The following LIN28B variants were observed in gnomAD, a reference collection of about 807,000 sequenced individuals.
The protein encoded by LIN28B is lin-28 RNA binding posttranscriptional regulator B.
LIN28B carries 5 observed loss-of-function variants against 21.9 expected under a neutral mutation model. The ratio of observed to expected loss-of-function variants is 0.23; its 90% CI spans 0.12 to 0.48. The LOEUF is 0.48. Among genes scored for constraint, LIN28B ranks in the 20% least tolerant of loss-of-function variants. The probability of loss-of-function intolerance (pLI) is 0.98; values close to 1 mark genes in which losing one functional copy is unlikely to be tolerated. For missense variants in LIN28B, 245 were observed against 310.5 expected (o/e 0.79, Z 1.58); for synonymous variants, 109 against 111.3 (o/e 0.98, Z 0.13).
At chr6:104,961,556 A>ACGC (rs1419381663) in intron 2 of LIN28B, among the ~76,000 whole-genome samples, 1 of 151,942 alleles carries the variant, frequency 6.6e-6, no homozygotes, top group Non-Finnish European at 1.5e-5. Context: ...GCCCGCCACC[A>ACGC]CGCCTAGCTA....
At chr6:104,995,549 A>G (rs1770581261) in intron 2 of LIN28B, among the ~76,000 whole-genome samples, 1 of 152,138 alleles carries the variant, frequency 6.6e-6, no homozygotes, top group East Asian at 1.9e-4. Flanking sequence ...TAGATATGGG[A>G]ATCATCAGAT....
Position 105,030,592 on chromosome 6 carries a change from CTT to C in LIN28B, c.383+4130_383+4131del, listed in dbSNP as rs980799980. ...CTTGAATTAATTTCTTTCTTTCTTTCTTTTTTTTTTTTTTTTTTTTTGGAGAC... is the reference window on the plus strand; with the variant it reads ...CTTGAATTAATTTCTTTCTTTCTTTCTTTTTTTTTTTTTTTTTTTGGAGAC... On this transcript the variant is annotated intron_variant, in intron 3 of 3. Coordinates refer to ENST00000345080, the MANE Select transcript of LIN28B (RefSeq NM_001004317.4). Among the ~76,000 whole-genome samples the C allele has an allele frequency of 1.9e-3, 202 of 106,570 alleles. 4 individuals are homozygous for C. The highest frequency in any genetic ancestry group is 2.8e-3 in the Non-Finnish European group (148 of 52,814). The allele number at this position is 106,570 out of a possible 152,430, so 69.9% of individuals were successfully genotyped here.
intron 3 of LIN28B, chr6:105,058,026 ATTT>A (rs1562109691): frequency 2.7e-6 from 1 of 376,648 alleles, no homozygotes; most frequent in Admixed American, 3.7e-5. Flanking sequence ...GTCTTTTATG[ATTT>A]TTTTAACCAG....
rs111828540 is a variant in LIN28B at position 105,033,667 on chromosome 6, A to G, written c.383+7185A>G. On this transcript the variant is annotated intron_variant, in intron 3 of 3. Coordinates refer to ENST00000345080, the MANE Select transcript of LIN28B (RefSeq NM_001004317.4). The stretch of plus-strand genomic sequence containing the variant: ...AGTTCATTACAAAAAGAGTAAAGAA[A>G]TTTAACGAGTCTATACAGCTGTCTT... Among the ~76,000 whole-genome samples the G allele has an allele frequency of 7.3e-3, 1,104 of 152,024 alleles. 15 individuals carry two copies. The highest frequency in any genetic ancestry group is 0.025 in the African/African-American group (1,058 of 41,524).
intron 2 of LIN28B, among the ~76,000 whole-genome samples, chr6:104,975,012 G>A (rs1434580549): frequency 6.6e-6 from 1 of 152,026 alleles, no homozygotes; most frequent in African/African-American, 2.4e-5. Context: ...TAGACATGGG[G>A]TTTCACCATG....
At chr6:105,069,388 T>G (rs902398632) in intron 3 of LIN28B, among the ~76,000 whole-genome samples, 1 of 152,090 alleles carries the variant, frequency 6.6e-6, no homozygotes, top group Non-Finnish European at 1.5e-5. Flanking sequence ...AATTGTTAAT[T>G]GGTAATGATG....
At chr6:105,046,560 T>C (rs1771768169) in intron 3 of LIN28B, among the ~76,000 whole-genome samples, 1 of 152,220 alleles carries the variant, frequency 6.6e-6, no homozygotes, top group African/African-American at 2.4e-5. Flanking sequence ...TCAAATGGTA[T>C]TTCTAGTTCT....
intron 2 of LIN28B, among the ~76,000 whole-genome samples, chr6:104,962,805 G>A (rs953809588): frequency 3.9e-5 from 6 of 152,040 alleles, no homozygotes; most frequent in African/African-American, 1.4e-4. Context: ...AAGAATATGT[G>A]TGATTATTGT....
chr6:105,073,108 C>T (rs1270981624), intron 3 of LIN28B, among the ~76,000 whole-genome samples: 2 of 151,946 alleles, frequency 1.3e-5, no homozygotes, highest in Non-Finnish European at 2.9e-5. Context: ...ACCTTTCTGC[C>T]CACCCACCTC....
At chr6:105,027,155 G>T (rs1356016696) in intron 3 of LIN28B, among the ~76,000 whole-genome samples, 2 of 152,032 alleles carry the variant, frequency 1.3e-5, no homozygotes, top group African/African-American at 4.8e-5. Context: ...TTGAAAAGTT[G>T]TCTGATTATA....
chr6:105,063,006 C>T (rs144599051), intron 3 of LIN28B, among the ~76,000 whole-genome samples: 36 of 152,010 alleles, frequency 2.4e-4, no homozygotes, highest in African/African-American at 8.2e-4. Context: ...AATACTGTCA[C>T]GTGTTCTTTT....
At chr6:104,998,459 A>G (rs534614170) in intron 2 of LIN28B, among the ~76,000 whole-genome samples, 1 of 152,290 alleles carries the variant, frequency 6.6e-6, no homozygotes, top group Admixed American at 6.5e-5. Context: ...GTTAAAATAT[A>G]GACAATAATA....
intron 3 of LIN28B, among the ~76,000 whole-genome samples, chr6:105,031,098 G>A (rs1771413744): frequency 6.6e-6 from 1 of 151,622 alleles, no homozygotes; most frequent in Non-Finnish European, 1.5e-5. Flanking sequence ...CATTTTGTGG[G>A]GAGATATTTT....
rs747707514 is a variant in LIN28B at position 105,079,304 on chromosome 6, G to A, written c.*521G>A. The A allele has an allele frequency of 2.0e-5, 3 of 152,650 alleles. No individual in the cohort carries two copies. The highest frequency in any genetic ancestry group is 4.4e-5 in the Non-Finnish European group (3 of 68,098). The allele number at this position is 152,650 out of a possible 1,614,324, so 9.5% of individuals were successfully genotyped here. On this transcript the variant is annotated 3_prime_UTR_variant, in exon 4 of 4. Coordinates refer to ENST00000345080, the MANE Select transcript of LIN28B (RefSeq NM_001004317.4). ...GAACCAAAGGATACTTCAGATCTCA[G>A]AGCTGCCAATTATGGGGTACTAAAG...
Position 105,025,131 on chromosome 6 carries a change from C to T in LIN28B, c.199-1167C>T, listed in dbSNP as rs145384676. 1.2e-4 allele frequency among the ~76,000 whole-genome samples: 18 copies of T among 152,220 alleles called. No homozygotes were observed. In the East Asian group the frequency reaches 3.1e-3, roughly 26 times the overall value. On this transcript the variant is annotated intron_variant, in intron 2 of 3. Coordinates refer to ENST00000345080, the MANE Select transcript of LIN28B (RefSeq NM_001004317.4). ...TGAATTTACAAATGAACAGAAACGA[C>T]AGCAAATGGCTTATTCAAAGCAATA...
intron 2 of LIN28B, among the ~76,000 whole-genome samples, chr6:104,964,002 T>A (rs1769806389): frequency 6.6e-6 from 1 of 152,240 alleles, no homozygotes; most frequent in African/African-American, 2.4e-5. Flanking sequence ...TGCGTTCACC[T>A]TGGTAGATTA....
chr6:105,078,982 A>AATTC lies in LIN28B; in HGVS notation c.*199_*200insATTC. On this transcript the variant is annotated 3_prime_UTR_variant, in exon 4 of 4. Coordinates refer to ENST00000345080, the MANE Select transcript of LIN28B (RefSeq NM_001004317.4). Reference sequence around the variant, plus strand: ...GTCATGTTTTATGTTAATTCAGAGAATAAGATACTATGTCTGTCAATATGT... The same window carrying AATTC: ...GTCATGTTTTATGTTAATTCAGAGAAATTCTAAGATACTATGTCTGTCAATATGT... 1.7e-6 allele frequency: 1 copy of AATTC among 576,782 alleles called. No individual in the cohort carries two copies. The highest frequency in any genetic ancestry group is 3.0e-5 in the East Asian group (1 of 33,280). 35.7% of individuals were successfully genotyped at this position (576,782 alleles called of 1,614,324 possible).
chr6:105,025,009 GTC>G (rs1225109687), intron 2 of LIN28B, among the ~76,000 whole-genome samples: 2 of 152,116 alleles, frequency 1.3e-5, no homozygotes, highest in African/African-American at 4.8e-5. Flanking sequence ...GCTAATATGA[GTC>G]TCTCACAGAG....
chr6:104,950,493 G>C, exon 3 of LIN28B: 1 of 1,228,678 alleles, frequency 8.1e-7, no homozygotes, highest in Non-Finnish European at 1.0e-6. Context: ...CATTCAACCA[G>C]GTTTCATCAG....
Sources: allele counts gnomAD v4.1 joint callset (sites outside exome capture counted in the v4.1 genomes callset), GRCh38; gene constraint gnomAD v4.1.1; transcripts MANE v1.5; gene names NCBI Gene and HGNC (gene_info 2026-07-23, HGNC 2026-07-21).